Variants in FUT8 observed in about 807,000 individuals in gnomAD.
FUT8 encodes alpha-(1,6)-fucosyltransferase.
Under a neutral mutation model 71.3 loss-of-function variants are expected in FUT8, and 29 were observed. That is an observed-to-expected ratio of 0.41 (90% CI 0.30 to 0.55). FUT8 has a LOEUF of 0.55. FUT8 is among the 20% of genes least tolerant of loss of function. FUT8 has a pLI of 0.34. For synonymous variants in FUT8, 254 were observed against 239.3 expected, an observed-to-expected ratio of 1.06 and a Z score of -0.57; for missense variants, 544 against 702.1, an observed-to-expected ratio of 0.77 and a Z score of 2.55.
intron 2 of FUT8, among the ~76,000 whole-genome samples, chr14:65,519,590 G>A (rs1882947137): frequency 6.6e-6 from 1 of 152,090 alleles, no homozygotes; most frequent in Non-Finnish European, 1.5e-5. Context: ...GCTTAAAAAT[G>A]TTTCTGGATA....
At position 65,653,287 on chromosome 14, in the gene FUT8, T is replaced by A. The variant is rs117203968; in HGVS notation, c.598-15956T>A. On this transcript the variant is annotated intron_variant, in intron 6 of 10. Transcript: ENST00000673929. ...TCTGCTACAGTGCCTTATATACACC[T>A]CTATTATCAGATTGACCATCTCGAT... is the stretch of plus-strand genomic sequence containing the variant. 3.9e-3 allele frequency among the ~76,000 whole-genome samples: 599 copies of A among 152,292 alleles called. 5 individuals carry two copies. The highest frequency in any genetic ancestry group is 0.035 in the East Asian group (183 of 5,182).
chr14:65,602,725 A>G (rs1197885918), intron 3 of FUT8, among the ~76,000 whole-genome samples: 1 of 151,810 alleles, frequency 6.6e-6, no homozygotes, highest in African/African-American at 2.4e-5. Flanking sequence ...TGTGGGAGTA[A>G]GGTGGTATCA....
intron 2 of FUT8, among the ~76,000 whole-genome samples, chr14:65,463,717 G>C (rs2066000823): frequency 6.6e-6 from 1 of 152,048 alleles, no homozygotes; most frequent in African/African-American, 2.4e-5. Context: ...TCCAAGCTTG[G>C]ATTAAACTCT....
rs764987812 is a variant in FUT8, at chr14:65,742,431, ACGACCAAACTCAGTT to A, written c.*38_*52del. 3.1e-5 allele frequency: 50 copies of A among 1,600,278 alleles called. No individual in the cohort carries two copies. Among genetic ancestry groups the A allele is most frequent in the Non-Finnish European group, 4.1e-5 (48 of 1,171,526 alleles). On this transcript the variant is annotated 3_prime_UTR_variant, in exon 11 of 11. Transcript: ENST00000673929. ...AATAAAGCTCAGATGGAAGAGATAAACGACCAAACTCAGTTCGACCAAACTCAGTTCAAACCATTT... is the reference window on the plus strand; with the variant it reads ...AATAAAGCTCAGATGGAAGAGATAAACGACCAAACTCAGTTCAAACCATTT...
At chr14:65,694,989 C>T (rs1212199620) in intron 7 of FUT8, among the ~76,000 whole-genome samples, 1 of 151,994 alleles carries the variant, frequency 6.6e-6, no homozygotes, top group Non-Finnish European at 1.5e-5. Context: ...CACATGTATA[C>T]ATATGTAACT....
chr14:65,474,651 ATTATTTCTTAGAGATT>A (rs2066207663), intron 2 of FUT8, among the ~76,000 whole-genome samples: 1 of 152,028 alleles, frequency 6.6e-6, no homozygotes, highest in African/African-American at 2.4e-5. Flanking sequence ...TTCTAGCCTT[ATTATTTCTTAGAGATT>A]TTATAAATCC....
In FUT8 at chr14:65,652,641, C is replaced by CTT. The variant is rs541938131; in HGVS notation, c.598-16590_598-16589dup. Among the ~76,000 whole-genome samples, 1 of 145,642 alleles carries CTT rather than the reference C, an allele frequency of 6.9e-6. No individual in the cohort carries two copies. ...ACAACGTGTTCTTAGTGCTTAAGCA[C>CTT]TTTTTTTTTTTTTAAATACAACCAA... On this transcript the variant is annotated intron_variant, in intron 6 of 10. Coordinates refer to ENST00000673929, the MANE Select transcript of FUT8 (RefSeq NM_001371533.1). This position sits in a 1 kb window ranked among gnomAD's most constrained non-coding sequence, Gnocchi z 4.0.
At chr14:65,487,589 A>G (rs1414531833) in intron 2 of FUT8, among the ~76,000 whole-genome samples, 1 of 147,546 alleles carries the variant, frequency 6.8e-6, no homozygotes, top group Non-Finnish European at 1.5e-5. Flanking sequence ...AAAAAAACTC[A>G]GTTTTTAGTG....
chr14:65,599,506 G>A (rs982058534), intron 3 of FUT8, among the ~76,000 whole-genome samples: 3 of 152,172 alleles, frequency 2.0e-5, no homozygotes, highest in African/African-American at 7.2e-5. Flanking sequence ...GGGAATGGCT[G>A]GTACAGGATG....
chr14:65,613,912 G>C (rs1465247182), intron 3 of FUT8, among the ~76,000 whole-genome samples: 1 of 152,054 alleles, frequency 6.6e-6, no homozygotes, highest in African/African-American at 2.4e-5. Context: ...AGGAGTTTTA[G>C]ACCAGCCTGG....
chr14:65,432,148 C>T (rs1443519780), intron 1 of FUT8, among the ~76,000 whole-genome samples: 1 of 152,172 alleles, frequency 6.6e-6, no homozygotes, highest in African/African-American at 2.4e-5. Context: ...CCTCTTGGCT[C>T]ATTTACAAAG....
intron 3 of FUT8, among the ~76,000 whole-genome samples, chr14:65,594,380 G>A (rs1320866423): frequency 2.0e-5 from 3 of 152,188 alleles, no homozygotes; most frequent in Non-Finnish European, 4.4e-5. Flanking sequence ...CTCCCTTCAG[G>A]CCCTGTGGCA....
chr14:65,398,665 G>A, the FUT8 span, among the ~76,000 whole-genome samples: 1 of 151,812 alleles, frequency 6.6e-6, no homozygotes, highest in African/African-American at 2.4e-5. Flanking sequence ...GAACCCAGGA[G>A]CTTGCAGTAA....
upstream of FUT8, chr14:65,410,965 TAAG>T (rs2139334083): frequency 6.6e-6 from 1 of 152,244 alleles, no homozygotes; most frequent in Admixed American, 6.5e-5. Context: ...GTGTTTAAAC[TAAG>T]AAGTAAATAT....
intron 6 of FUT8, among the ~76,000 whole-genome samples, chr14:65,653,577 G>A (rs1184294970): frequency 2.6e-5 from 4 of 152,290 alleles, no homozygotes; most frequent in Non-Finnish European, 5.9e-5. Context: ...GTAATTTGCT[G>A]AAAACTGAAA....
intron 2 of FUT8, among the ~76,000 whole-genome samples, chr14:65,473,576 T>C (rs2139646629): frequency 6.6e-6 from 1 of 152,364 alleles, no homozygotes; most frequent in East Asian, 1.9e-4. Context: ...CCAAACTTGG[T>C]ATTCTAGACA....
At chr14:65,513,158 T>G (rs997231720) in intron 2 of FUT8, among the ~76,000 whole-genome samples, 1 of 152,176 alleles carries the variant, frequency 6.6e-6, no homozygotes, top group African/African-American at 2.4e-5. Flanking sequence ...TTCAAGAGGG[T>G]GTCTGATTCT....
chr14:65,600,640 G>C (rs894495372), intron 3 of FUT8, among the ~76,000 whole-genome samples: 1 of 152,140 alleles, frequency 6.6e-6, no homozygotes, highest in South Asian at 2.1e-4. Flanking sequence ...GATATTTGTA[G>C]TAACATGGGT....
At chr14:65,576,822 C>T (rs1372303635) in intron 3 of FUT8, among the ~76,000 whole-genome samples, 3 of 147,376 alleles carry the variant, frequency 2.0e-5, no homozygotes, top group East Asian at 2.0e-4. Flanking sequence ...CAGGTTCAAG[C>T]GATTCTCCTT....
Sources: gnomAD v4.1 joint callset for allele counts (sites outside exome capture counted in the v4.1 genomes callset) on GRCh38, gnomAD v4.1.1 for gene constraint, Gnocchi (gnomAD v3.1) non-coding constraint, MANE v1.5 for transcripts, NCBI Gene and HGNC (gene_info 2026-07-23, HGNC 2026-07-21) for gene names.